The following ADGRD2 variants were observed in gnomAD, a reference collection of about 807,000 sequenced individuals.
ADGRD2 encodes adhesion G protein-coupled receptor D2.
A neutral mutation model predicts 44.4 loss-of-function variants in ADGRD2; 71 were observed. The observed-to-expected ratio is 1.60, with a 90% CI of 1.32 to 1.95. ADGRD2 has a LOEUF of 1.95. Ranked by LOEUF, ADGRD2 falls within the 30% of genes most tolerant of loss-of-function variation. ADGRD2 has a pLI of 0.00. For missense variants in ADGRD2, 1,039 were observed against 512.4 expected, an observed-to-expected ratio of 2.03 and a Z score of -9.92; for synonymous variants, 481 against 224.8, an observed-to-expected ratio of 2.14 and a Z score of -10.19.
chr9:124,474,644 C>T (rs1345731987), intron 17 of ADGRD2, among the ~76,000 whole-genome samples: 6 of 152,166 alleles, frequency 3.9e-5, no homozygotes, highest in Non-Finnish European at 7.4e-5. Context: ...CCGCCTGGGC[C>T]GCAGCACAGA....
intron 12 of ADGRD2, 62 bp from the exon 16 acceptor site, chr9:124,468,026 C>A (rs542613783): frequency 1.4e-6 from 1 of 717,872 alleles, no homozygotes; most frequent in Admixed American, 2.0e-5. Context: ...CAGGACAGGG[C>A]CCTACGGGGT....
At chr9:124,453,072 G>A in exon 3 of ADGRD2, 1 of 679,844 alleles carries the variant, frequency 1.5e-6, no homozygotes, top group African/African-American at 1.8e-5. Context: ...TCGACGAGAG[G>A]ACGGCTGACC....
chr9:124,469,594 TCAGCCGGCGC>T (rs1209987695), intron 16 of ADGRD2, 47 bp downstream of exon 19: 1 of 712,146 alleles, frequency 1.4e-6, no homozygotes, highest in South Asian at 1.5e-5. Context: ...AAGTGCACAG[TCAGCCGGCGC>T]CAGGCGTGAG....
intron 10 of ADGRD2, among the ~76,000 whole-genome samples, chr9:124,460,816 T>G (rs190507558): frequency 2.6e-4 from 40 of 152,292 alleles, no homozygotes; most frequent in Admixed American, 7.2e-4. Context: ...ACTAGGTAGA[T>G]TCCTGAAAGT....
chr9:124,475,124 T>G (rs940372963), intron 17 of ADGRD2, among the ~76,000 whole-genome samples: 2 of 152,164 alleles, frequency 1.3e-5, no homozygotes, highest in African/African-American at 4.8e-5. Flanking sequence ...CCCCACCACA[T>G]AGCATGGCGA....
upstream of ADGRD2, chr9:124,451,180 C>T (rs556332630): frequency 1.3e-5 from 6 of 472,268 alleles, no homozygotes; most frequent in African/African-American, 1.0e-4. Flanking sequence ...AAGGTGGCTG[C>T]ACGGAGCAGC....
In ADGRD2 at chr9:124,452,168, A is replaced by AT. The variant is rs1471080308; in HGVS notation, c.68+11dup. 2 of 714,020 alleles carry AT rather than the reference A, an allele frequency of 2.8e-6. No homozygotes were observed. Among genetic ancestry groups the AT allele is most frequent in the Non-Finnish European group, 5.2e-6 (2 of 382,628 alleles). 44.2% of individuals were successfully genotyped at this position (714,020 alleles called of 1,614,324 possible). A position where few individuals can be genotyped will look rare whatever the true frequency, so the allele number is the denominator to read the frequency against. On this transcript the variant is annotated intron_variant, in intron 1 of 21. Transcript: ENST00000334810. ...CTTGGGCCCCAGGTTGGTATGAGGG[A>AT]TCCCCCCAGGGAGGGTCCCAGTCCC...
upstream of ADGRD2, chr9:124,451,177 C>T (rs372188859): frequency 2.8e-5 from 13 of 472,162 alleles, no homozygotes; most frequent in Non-Finnish European, 4.8e-5. Context: ...GGAAAGGTGG[C>T]TGCACGGAGC....
At chr9:124,468,418 A>G in intron 13 of ADGRD2, 101 bp from the exon 17 acceptor site, 1 of 706,062 alleles carries the variant, frequency 1.4e-6, no homozygotes, top group South Asian at 1.5e-5. Context: ...ACCCACTGAG[A>G]CTTCTTTGGG....
chr9:124,453,980 G>A lies in ADGRD2; in HGVS notation c.924-19G>A. Reference sequence around the variant, plus strand: ...CAGGGTCCCCTAGGGAGCCCTGACAGCTCCCCTGCCCCTGCCAGTGCCCTC... The same window carrying A: ...CAGGGTCCCCTAGGGAGCCCTGACAACTCCCCTGCCCCTGCCAGTGCCCTC... On this transcript the variant is annotated intron_variant, in intron 3 of 21. Transcript: ENST00000334810. 1 of 654,732 alleles carries A rather than the reference G, an allele frequency of 1.5e-6. No individual in the cohort carries two copies. The highest frequency in any genetic ancestry group is 2.8e-6 in the Non-Finnish European group (1 of 359,502). The allele number at this position is 654,732 out of a possible 1,614,324, so 40.6% of individuals were successfully genotyped here.
At chr9:124,478,114 C>T (rs2131265595) in intron 21 of ADGRD2, among the ~76,000 whole-genome samples, 167 bp from the exon 25 acceptor site, 1 of 152,302 alleles carries the variant, frequency 6.6e-6, no homozygotes, top group East Asian at 1.9e-4. Context: ...CCTGAAAGGC[C>T]GCGGAGCCCT....
intron 10 of ADGRD2, among the ~76,000 whole-genome samples, chr9:124,464,285 C>T (rs1439392429): frequency 1.3e-5 from 2 of 151,978 alleles, no homozygotes; most frequent in South Asian, 2.1e-4. Flanking sequence ...CAGAGATAAC[C>T]GCTATGAACA....
chr9:124,469,208 T>A lies in ADGRD2; in HGVS notation c.2388-14T>A, dbSNP rs1322167567. The A allele has an allele frequency of 1.4e-6, 1 of 707,296 alleles. No homozygotes were observed. Among genetic ancestry groups the A allele is most frequent in the Non-Finnish European group, 2.6e-6 (1 of 382,526 alleles). 43.8% of individuals were successfully genotyped at this position (707,296 alleles called of 1,614,324 possible). A position where few individuals can be genotyped will look rare whatever the true frequency, so the allele number is the denominator to read the frequency against. ...AGGTGACCCAGCCTTGAGGCCCCCT[T>A]CTCCCTCTCCCAGGCGTGCCTGTGG... On this transcript the variant is annotated splice_polypyrimidine_tract_variant and intron_variant, in intron 14 of 21. Transcript: ENST00000334810.
chr9:124,467,590 G>A (rs1243501653), intron 11 of ADGRD2, 131 bp from the exon 15 acceptor site: 1 of 640,300 alleles, frequency 1.6e-6, no homozygotes, highest in African/African-American at 1.8e-5. Flanking sequence ...GCAGGCCTGG[G>A]TCCTGCTGGC....
At position 124,456,841 on chromosome 9, in the gene ADGRD2, C is replaced by G. The variant is rs995741990; in HGVS notation, c.1505+108C>G. ...ACAGACACTCCATTCTATTTCCTGC[C>G]TTTGCCCATGCTGTGCCCTGCATCC... is the stretch of plus-strand genomic sequence containing the variant. On this transcript the variant is annotated intron_variant, in intron 7 of 21. Coordinates refer to ENST00000334810, the Ensembl canonical transcript of ADGRD2. 1.3e-4 allele frequency: 86 copies of G among 676,132 alleles called. 1 individual carries two copies. In the African/African-American group the frequency reaches 1.3e-3, roughly 10 times the overall value. The allele number at this position is 676,132 out of a possible 1,614,324, so 41.9% of individuals were successfully genotyped here. A position where few individuals can be genotyped will look rare whatever the true frequency, so the allele number is the denominator to read the frequency against.
At chr9:124,469,239 G>A (rs1406327249) in exon 15 of ADGRD2, 7 of 715,564 alleles carry the variant, frequency 9.8e-6, no homozygotes, top group Admixed American at 2.0e-5. Flanking sequence ...TGTGGGCATC[G>A]TGGCGGTCAC....
chr9:124,468,183 C>A, exon 13 of ADGRD2: 1 of 718,430 alleles, frequency 1.4e-6, no homozygotes, highest in Non-Finnish European at 2.6e-6. Flanking sequence ...TGGGCCAAGG[C>A]CAATGAGGTG....
Position 124,454,176 on chromosome 9 carries a change from G to T in ADGRD2, c.1022+79G>T. The T allele has an allele frequency of 1.6e-6, 1 of 607,102 alleles. No homozygotes were observed. Among genetic ancestry groups the T allele is most frequent in the South Asian group, 2.0e-5 (1 of 50,802 alleles). The allele number at this position is 607,102 out of a possible 1,614,324, so 37.6% of individuals were successfully genotyped here. A position where few individuals can be genotyped will look rare whatever the true frequency, so the allele number is the denominator to read the frequency against. ...GGAGTAGACTGAGAGGGGGTGAGCT[G>T]CTGGCAAAGTCTGGGAATTCAGAAT... On this transcript the variant is annotated intron_variant, in intron 4 of 21. Coordinates refer to ENST00000334810, the Ensembl canonical transcript of ADGRD2. The surrounding 1 kb of genome is among the most constrained non-coding windows in gnomAD (Gnocchi z 4.5).
chr9:124,468,404 C>A (rs1329259025), intron 13 of ADGRD2, 115 bp from the exon 17 acceptor site: 21 of 699,002 alleles, frequency 3.0e-5, no homozygotes, highest in Non-Finnish European at 5.5e-5. Context: ...TACCCAGAGG[C>A]CTCACCCACT....
Sources: gnomAD v4.1 joint callset for allele counts (sites outside exome capture counted in the v4.1 genomes callset) on GRCh38, gnomAD v4.1.1 for gene constraint, Gnocchi (gnomAD v3.1) non-coding constraint, MANE v1.5 for transcripts, NCBI Gene and HGNC (gene_info 2026-07-23, HGNC 2026-07-21) for gene names.